Variants in TTPA observed in about 807,000 individuals in gnomAD.
TTPA encodes the protein alpha tocopherol transfer protein.
In TTPA, 23 loss-of-function variants were observed where a neutral mutation model predicts 25.9. The observed-to-expected ratio is 0.89, with a 90% confidence interval of 0.64 to 1.26. TTPA has a LOEUF of 1.26. TTPA is among the 50% of genes most tolerant of loss of function. The probability of loss-of-function intolerance (pLI) is 0.00; values close to 1 mark genes in which losing one functional copy is unlikely to be tolerated. For missense variants in TTPA, 337 were observed against 353.1 expected, an observed-to-expected ratio of 0.95 and a Z score of 0.37; for synonymous variants, 148 against 137.3, an observed-to-expected ratio of 1.08 and a Z score of -0.54.
intron 2 of TTPA, 23 bp downstream of exon 2, chr8:63,072,912 A>G (rs1370343951): frequency 1.2e-6 from 2 of 1,613,876 alleles, no homozygotes; most frequent in Non-Finnish European, 1.7e-6. Flanking sequence ...AGGAGAAAAA[A>G]AAAAGAGTTG....
At chr8:63,065,786 C>T (rs1805379602) in intron 3 of TTPA, 118 bp downstream of exon 3, 2 of 1,161,724 alleles carry the variant, frequency 1.7e-6, no homozygotes, top group African/African-American at 3.1e-5. Flanking sequence ...CACATCATTT[C>T]CAAAATTGTA....
chr8:63,081,576 C>T lies in TTPA; in HGVS notation c.204+4242G>A, dbSNP rs146523963. On this transcript the variant is annotated intron_variant, in intron 1 of 4. Transcript: ENST00000260116. Reference sequence around the variant, plus strand: ...AACTGGAAGCATTCCCTTTGAAAACCGGCACAGGACAAGGATGCCCTCTCT... The same window carrying T: ...AACTGGAAGCATTCCCTTTGAAAACTGGCACAGGACAAGGATGCCCTCTCT... Among the ~76,000 whole-genome samples the T allele has an allele frequency of 2.0e-3, 298 of 152,220 alleles. 1 individual carries two copies. The highest frequency in any genetic ancestry group is 6.8e-3 in the South Asian group (33 of 4,832).
rs965642300 is a variant in TTPA, at chr8:63,081,981, A to G, written c.204+3837T>C. On this transcript the variant is annotated intron_variant, in intron 1 of 4. Coordinates refer to ENST00000260116, the MANE Select transcript of TTPA (RefSeq NM_000370.3). ...GGAGAACTACAAACCACTGCTCAAC[A>G]AAATAAAAGAGGACACAAACAAATG... Among the ~76,000 whole-genome samples the G allele has an allele frequency of 3.3e-5, 5 of 152,246 alleles. 1 individual carries two copies. The highest frequency in any genetic ancestry group is 2.1e-4 in the South Asian group (1 of 4,818).
intron 1 of TTPA, among the ~76,000 whole-genome samples, chr8:63,084,204 T>A (rs1805710356): frequency 6.6e-6 from 1 of 152,138 alleles, no homozygotes; most frequent in South Asian, 2.1e-4. Context: ...TGAAAACTCT[T>A]TGGAAGACAG....
chr8:63,063,881 G>T (rs1324028364), intron 4 of TTPA, among the ~76,000 whole-genome samples: 1 of 151,984 alleles, frequency 6.6e-6, no homozygotes, highest in Non-Finnish European at 1.5e-5. Flanking sequence ...ATGTAATTTT[G>T]TTTAGGTATA....
intron 1 of TTPA, among the ~76,000 whole-genome samples, chr8:63,084,322 A>G (rs1805713169): frequency 6.6e-6 from 1 of 152,242 alleles, no homozygotes; most frequent in African/African-American, 2.4e-5. Flanking sequence ...ACAAAGTATG[A>G]GGACATGAGG....
At chr8:63,062,067 G>C (rs1166265763) in intron 4 of TTPA, among the ~76,000 whole-genome samples, 2 of 151,932 alleles carry the variant, frequency 1.3e-5, no homozygotes, top group East Asian at 3.9e-4. Flanking sequence ...TGGTGGTGCA[G>C]GACTGTAGTC....
intron 2 of TTPA, among the ~76,000 whole-genome samples, 198 bp from the exon 3 acceptor site, chr8:63,066,295 G>T (rs1243218358): frequency 6.6e-6 from 1 of 152,176 alleles, no homozygotes. Flanking sequence ...TTCTAGCAAA[G>T]AATGGCTTTT....
intron 1 of TTPA, among the ~76,000 whole-genome samples, chr8:63,085,490 G>A (rs1396414043): frequency 6.6e-6 from 1 of 152,244 alleles, no homozygotes; most frequent in African/African-American, 2.4e-5. Flanking sequence ...TGCAGGGAGA[G>A]GAAGGCATGT....
At position 63,074,001 on chromosome 8, in the gene TTPA, T is replaced by A. The variant is rs754343255; in HGVS notation, c.205-913A>T. On this transcript the variant is annotated intron_variant, in intron 1 of 4. Transcript: ENST00000260116. ...AGCAAATTATGTATTTAAAAATTATTATATTTATATTTTAATTTTATTCTC... is the reference window on the plus strand; with the variant it reads ...AGCAAATTATGTATTTAAAAATTATAATATTTATATTTTAATTTTATTCTC... Among the ~76,000 whole-genome samples, 96 of 152,132 alleles carry A rather than the reference T, an allele frequency of 6.3e-4. 1 individual carries two copies. Among genetic ancestry groups the A allele is most frequent in the Non-Finnish European group, 8.8e-5 (6 of 68,018 alleles).
chr8:63,073,193 T>C, intron 1 of TTPA, 105 bp from the exon 2 acceptor site: 1 of 918,434 alleles, frequency 1.1e-6, no homozygotes, highest in Non-Finnish European at 1.7e-6. Flanking sequence ...CCATCCATTA[T>C]GTCAAGAGTT....
intron 1 of TTPA, among the ~76,000 whole-genome samples, chr8:63,082,066 C>T (rs1220396870): frequency 6.6e-6 from 1 of 152,122 alleles, no homozygotes; most frequent in East Asian, 1.9e-4. Context: ...GCCATACTGC[C>T]CAAGGTAATT....
At chr8:63,071,263 T>C (rs187724867) in intron 2 of TTPA, among the ~76,000 whole-genome samples, 5 of 152,250 alleles carry the variant, frequency 3.3e-5, no homozygotes, top group Non-Finnish European at 4.4e-5. Flanking sequence ...CAAATCATTT[T>C]ACTCGATCTT....
rs776942277 is a variant in TTPA, at chr8:63,065,939, G to C, written c.517C>G (p.Pro173Ala). 2.5e-6 allele frequency: 4 copies of C among 1,613,942 alleles called. No individual in the cohort carries two copies. Residue 173 changes from proline to alanine, a missense_variant, in exon 3 of 5, where the codon CCA becomes GCA. By Grantham distance (27) the Pro-to-Ala change is conservative. Coordinates refer to ENST00000260116, the MANE Select transcript of TTPA (RefSeq NM_000370.3). Reference protein sequence around the residue: ...WQFSHAFQITPSVAKKIAAVL... With the variant: ...WQFSHAFQITASVAKKIAAVL... ...GCAGCAATCTTCTTGGCTACGGATG[G>C]AGTGATTTGAAAAGCATGAGAAAAC...
chr8:63,085,264 C>G (rs1001000970), intron 1 of TTPA, among the ~76,000 whole-genome samples: 2 of 152,154 alleles, frequency 1.3e-5, no homozygotes, highest in East Asian at 3.9e-4. Flanking sequence ...AAGAACTGCC[C>G]GACTACAACC....
intron 2 of TTPA, among the ~76,000 whole-genome samples, chr8:63,068,366 G>C (rs2129752005): frequency 6.6e-6 from 1 of 152,320 alleles, no homozygotes; most frequent in South Asian, 2.1e-4. Context: ...AACACCAAGA[G>C]AACATGGCAT....
intron 1 of TTPA, among the ~76,000 whole-genome samples, chr8:63,079,698 T>TA (rs1284601328): frequency 1.3e-5 from 2 of 152,156 alleles, no homozygotes; most frequent in Non-Finnish European, 2.9e-5. Context: ...CAAAGAGACT[T>TA]AGACTCCCAC....
At chr8:63,085,227 A>G (rs1805729625) in intron 1 of TTPA, among the ~76,000 whole-genome samples, 1 of 152,184 alleles carries the variant, frequency 6.6e-6, no homozygotes, top group South Asian at 2.1e-4. Flanking sequence ...CTTTTCTTTC[A>G]GTGAGCTGTA....
intron 1 of TTPA, among the ~76,000 whole-genome samples, chr8:63,080,510 G>A (rs937580866): frequency 2.6e-5 from 4 of 151,766 alleles, no homozygotes; most frequent in African/African-American, 9.7e-5. Flanking sequence ...TCACGACGTC[G>A]GGAGATCAAG....
Sources: gnomAD v4.1 joint callset for allele counts (sites outside exome capture counted in the v4.1 genomes callset) on GRCh38, gnomAD v4.1.1 for gene constraint, MANE v1.5 for transcripts, NCBI Gene and HGNC (gene_info 2026-07-23, HGNC 2026-07-21) for gene names.